Variants in PCDH15 observed in about 807,000 individuals in gnomAD.
The protein encoded by PCDH15 is protocadherin related 15, also known as protocadherin-15.
PCDH15 carries 129 observed loss-of-function variants against 178.5 expected under a neutral mutation model. That is an observed-to-expected ratio of 0.72 (90% CI 0.63 to 0.84). The LOEUF (loss-of-function observed/expected upper bound fraction) is 0.84. Among genes scored for constraint, PCDH15 ranks in the 40% least tolerant of loss-of-function variants. PCDH15 has a pLI of 0.00. For missense variants in PCDH15, 2,230 were observed against 2,099.9 expected (o/e 1.06, Z -1.21); for synonymous variants, 800 against 732.0 (o/e 1.09, Z -1.50).
chr10:55,338,543 G>A (rs555741948), intron 2 of PCDH15, among the ~76,000 whole-genome samples: 16 of 152,242 alleles, frequency 1.1e-4, no homozygotes, highest in Admixed American at 7.2e-4. Flanking sequence ...CAAGACAGGC[G>A]GATCACTTGA....
chr10:54,629,444 C>G (rs557519683), intron 2 of PCDH15, among the ~76,000 whole-genome samples: 1 of 152,072 alleles, frequency 6.6e-6, no homozygotes, highest in Admixed American at 6.6e-5. Flanking sequence ...GTTCAACATA[C>G]GCAAATCAAT....
intron 2 of PCDH15, among the ~76,000 whole-genome samples, chr10:55,080,644 C>G (rs1842016751): frequency 6.6e-6 from 1 of 152,130 alleles, no homozygotes; most frequent in African/African-American, 2.4e-5. Flanking sequence ...CACACACAGG[C>G]ATAAGCATGG....
At chr10:55,118,870 G>A (rs776379194) in intron 2 of PCDH15, among the ~76,000 whole-genome samples, 13 of 152,122 alleles carry the variant, frequency 8.5e-5, no homozygotes, top group Non-Finnish European at 1.6e-4. Context: ...TTCAGGTGAC[G>A]ACACTTATAA....
chr10:55,417,312 T>A (rs1838507500), intron 2 of PCDH15, among the ~76,000 whole-genome samples: 1 of 151,638 alleles, frequency 6.6e-6, no homozygotes, highest in East Asian at 1.9e-4. Context: ...GAGAAAGACA[T>A]TATAAGCAAA....
chr10:54,780,601 C>T (rs1215167325), intron 1 of PCDH15, among the ~76,000 whole-genome samples: 2 of 151,704 alleles, frequency 1.3e-5, no homozygotes, highest in African/African-American at 4.8e-5. Context: ...TTCTTGGAAA[C>T]ATTTTGAGGA....
At chr10:54,926,608 A>C (rs955195098) in intron 2 of PCDH15, among the ~76,000 whole-genome samples, 1 of 151,796 alleles carries the variant, frequency 6.6e-6, no homozygotes, top group Non-Finnish European at 1.5e-5. Context: ...TTTGTAGGCT[A>C]TTTATAACTG....
In PCDH15 at chr10:55,358,495, A is replaced by C. The variant is rs181579526; in HGVS notation, c.-155-191844T>G. Among the ~76,000 whole-genome samples the C allele has an allele frequency of 2.0e-5, 3 of 152,174 alleles. No homozygotes were observed. The East Asian group carries it at 5.8e-4, about 30-fold the overall frequency. ...GGTATTACACTCACAATACTTAGTT[A>C]TATGTAATCATGTCCTACTATAGTG... On this transcript the variant is annotated intron_variant, in intron 2 of 5. Coordinates refer to the PCDH15 transcript ENST00000613346.
chr10:54,787,004 C>T (rs752129828), intron 1 of PCDH15, among the ~76,000 whole-genome samples: 2 of 151,596 alleles, frequency 1.3e-5, no homozygotes, highest in Admixed American at 6.6e-5. Flanking sequence ...TTTTACTTGT[C>T]TAACCTAGAA....
rs1840521636 is a variant in PCDH15, at chr10:55,028,121, A to G, written c.-79-130621T>C. 2.6e-5 allele frequency among the ~76,000 whole-genome samples: 4 copies of G among 151,938 alleles called. No homozygotes were observed. The South Asian group carries it at 8.3e-4, about 31-fold the overall frequency. On this transcript the variant is annotated intron_variant, in intron 2 of 5. Transcript: ENST00000458638. The stretch of plus-strand genomic sequence containing the variant: ...CATTTTCTGCTAAATATTTCCATAT[A>G]TTCTCTCCTTAACCCTCAGGTTAAC...
chr10:54,921,027 T>C (rs1837473137), intron 2 of PCDH15, among the ~76,000 whole-genome samples: 1 of 152,228 alleles, frequency 6.6e-6, no homozygotes, highest in Non-Finnish European at 1.5e-5. Flanking sequence ...TTTCCTCTTC[T>C]GTTATGATCC....
rs183324046 is a variant in PCDH15, at chr10:55,008,873, T to C, written c.-79-111373A>G. 2.2e-3 allele frequency among the ~76,000 whole-genome samples: 297 copies of C among 134,764 alleles called. 2 individuals carry two copies. The highest frequency in any genetic ancestry group is 5.3e-3 in the Admixed American group (63 of 11,836). 88.4% of individuals were successfully genotyped at this position (134,764 alleles called of 152,430 possible). On this transcript the variant is annotated intron_variant, in intron 2 of 5. Coordinates refer to the PCDH15 transcript ENST00000458638. ...TACAGTGGTTACTGCTGCCCATTCC[T>C]TGATCTTGTTTAAAAAACAAAAACA...
intron 13 of PCDH15, among the ~76,000 whole-genome samples, chr10:54,154,895 G>T (rs547827849): frequency 2.4e-4 from 37 of 152,244 alleles, no homozygotes; most frequent in African/African-American, 8.4e-4. Context: ...AACATTTGCA[G>T]AAACAGTCAA....
intron 1 of PCDH15, among the ~76,000 whole-genome samples, chr10:55,250,164 T>C (rs1841796619): frequency 6.6e-6 from 1 of 151,996 alleles, no homozygotes; most frequent in African/African-American, 2.4e-5. Context: ...TGAGACAGAG[T>C]CCTGTTCTGG....
chr10:54,098,447 T>A (rs1281983467), intron 15 of PCDH15, among the ~76,000 whole-genome samples: 2 of 152,146 alleles, frequency 1.3e-5, no homozygotes, highest in Non-Finnish European at 2.9e-5. Context: ...GAATAAACTA[T>A]ATGAAACCAG....
chr10:55,547,521 C>G (rs912046419), intron 2 of PCDH15, among the ~76,000 whole-genome samples: 1 of 151,990 alleles, frequency 6.6e-6, no homozygotes. Flanking sequence ...ACATAGAGAG[C>G]AAGGTGAGTA....
chr10:55,029,429 T>C (rs1840556274), intron 2 of PCDH15, among the ~76,000 whole-genome samples: 1 of 152,100 alleles, frequency 6.6e-6, no homozygotes, highest in African/African-American at 2.4e-5. Context: ...ATAAATGATG[T>C]AGTTTTCTAA....
At chr10:55,396,099 T>C (rs1165468154) in intron 2 of PCDH15, among the ~76,000 whole-genome samples, 3 of 152,186 alleles carry the variant, frequency 2.0e-5, no homozygotes, top group African/African-American at 7.2e-5. Flanking sequence ...GAAATATGTA[T>C]CAATGTCTTT....
chr10:55,507,928 CAG>C (rs1232282493), intron 2 of PCDH15, among the ~76,000 whole-genome samples: 1 of 151,424 alleles, frequency 6.6e-6, no homozygotes, highest in East Asian at 1.9e-4. Context: ...TGCCACTTTT[CAG>C]AGATAAAAAT....
At chr10:54,813,689 C>A (rs74136296) in intron 3 of PCDH15, among the ~76,000 whole-genome samples, 1 of 152,092 alleles carries the variant, frequency 6.6e-6, no homozygotes, top group Non-Finnish European at 1.5e-5. Flanking sequence ...CTACAGCAAT[C>A]GTCTCTTAAC....
Sources: allele counts gnomAD v4.1 joint callset (sites outside exome capture counted in the v4.1 genomes callset), GRCh38; gene constraint gnomAD v4.1.1; transcripts MANE v1.5; gene names NCBI Gene and HGNC (gene_info 2026-07-23, HGNC 2026-07-21).